AFG2A: variants seen among roughly 807,000 people sequenced by gnomAD.
The protein encoded by AFG2A is ATPase family gene 2 protein homolog A.
the AFG2A span, among the ~76,000 whole-genome samples, chr4:123,195,177 G>A: frequency 6.2e-4 from 95 of 152,304 alleles, 1 homozygote; most frequent in African/African-American, 2.2e-3. Context: ...ATCAAACCAC[G>A]TGGTATTATG....
At chr4:123,297,582 G>A in the AFG2A span, among the ~76,000 whole-genome samples, 1 of 152,076 alleles carries the variant, frequency 6.6e-6, no homozygotes, top group Admixed American at 6.6e-5. Context: ...AGCCAGATGT[G>A]GTGGCGGGCG....
the AFG2A span, among the ~76,000 whole-genome samples, chr4:123,122,800 A>G: frequency 4.1e-5 from 6 of 145,016 alleles, no homozygotes; most frequent in African/African-American, 1.3e-4. Context: ...TTTTGACAGC[A>G]TATTAGGTTG....
At chr4:123,168,419 A>G in the AFG2A span, among the ~76,000 whole-genome samples, 1 of 152,154 alleles carries the variant, frequency 6.6e-6, no homozygotes, top group Non-Finnish European at 1.5e-5. Context: ...TGAGTTCAAT[A>G]AGAAGAAATA....
At chr4:123,034,619 C>T in the AFG2A span, among the ~76,000 whole-genome samples, 2 of 144,862 alleles carry the variant, frequency 1.4e-5, no homozygotes, top group East Asian at 4.0e-4. Flanking sequence ...ATCTGAATAA[C>T]TATGGTCTTT....
At chr4:123,046,275 A>T in the AFG2A span, among the ~76,000 whole-genome samples, 1 of 152,092 alleles carries the variant, frequency 6.6e-6, no homozygotes, top group Non-Finnish European at 1.5e-5. Flanking sequence ...GCCCTCTTTT[A>T]AGCTGTCTTT....
the AFG2A span, among the ~76,000 whole-genome samples, chr4:123,135,137 A>C: frequency 6.6e-6 from 1 of 152,218 alleles, no homozygotes; most frequent in Non-Finnish European, 1.5e-5. Flanking sequence ...TTACCATATT[A>C]ACAGAATGAA....
chr4:123,167,433 C>T, the AFG2A span, among the ~76,000 whole-genome samples: 126 of 151,998 alleles, frequency 8.3e-4, no homozygotes, highest in African/African-American at 2.5e-3. Context: ...CTGCAACCTC[C>T]GCCTCCTGGT....
the AFG2A span, among the ~76,000 whole-genome samples, chr4:123,238,186 G>A: frequency 1.3e-5 from 2 of 152,304 alleles, no homozygotes; most frequent in East Asian, 3.9e-4. Context: ...GCTCAAACTG[G>A]GTGGAGCCCA....
At chr4:123,213,297 A>G in the AFG2A span, among the ~76,000 whole-genome samples, 1 of 152,100 alleles carries the variant, frequency 6.6e-6, no homozygotes, top group East Asian at 1.9e-4. Context: ...TATTTCCTGA[A>G]TTTCATTTTC....
At chr4:123,015,391 C>G in the AFG2A span, among the ~76,000 whole-genome samples, 43 of 152,022 alleles carry the variant, frequency 2.8e-4, no homozygotes, top group Non-Finnish European at 5.4e-4. Flanking sequence ...TGACTCTTAA[C>G]GAGCATGCTG....
chr4:122,959,321 G>T, the AFG2A span, among the ~76,000 whole-genome samples: 3 of 152,124 alleles, frequency 2.0e-5, no homozygotes, highest in African/African-American at 7.2e-5. Flanking sequence ...CCACTCAAGA[G>T]AAAATGAATG....
the AFG2A span, among the ~76,000 whole-genome samples, chr4:122,984,776 A>G: frequency 1.3e-5 from 2 of 152,216 alleles, no homozygotes; most frequent in African/African-American, 4.8e-5. Flanking sequence ...ATGTTAAACC[A>G]TCCCTGCATC....
At chr4:123,058,114 A>C in the AFG2A span, among the ~76,000 whole-genome samples, 1 of 152,198 alleles carries the variant, frequency 6.6e-6, no homozygotes, top group Non-Finnish European at 1.5e-5. Context: ...TTAGGAACCT[A>C]TCATTAGGAG....
At chr4:123,249,976 C>G in the AFG2A span, among the ~76,000 whole-genome samples, 2 of 152,108 alleles carry the variant, frequency 1.3e-5, no homozygotes, top group Non-Finnish European at 1.5e-5. Context: ...AATCATGATT[C>G]ATTGATATGT....
the AFG2A span, chr4:122,947,379 A>G: frequency 6.2e-7 from 1 of 1,614,076 alleles, no homozygotes; most frequent in Non-Finnish European, 8.5e-7. Flanking sequence ...TTCTCCAGAA[A>G]CTGCTTCGAA....
At chr4:123,074,993 G>T in the AFG2A span, among the ~76,000 whole-genome samples, 15 of 152,266 alleles carry the variant, frequency 9.9e-5, no homozygotes, top group South Asian at 3.1e-3. Context: ...GCCCAGGCTG[G>T]AGTGCAGTGG....
the AFG2A span, among the ~76,000 whole-genome samples, chr4:122,941,265 G>A: frequency 6.6e-6 from 1 of 151,592 alleles, no homozygotes; most frequent in Non-Finnish European, 1.5e-5. Flanking sequence ...CTACCCATGA[G>A]CATGGAATGT....
chr4:123,212,599 T>C, the AFG2A span, among the ~76,000 whole-genome samples: 4 of 152,156 alleles, frequency 2.6e-5, no homozygotes, highest in South Asian at 4.1e-4. Flanking sequence ...TTTTAAAATA[T>C]GAATTGTGAG....
the AFG2A span, among the ~76,000 whole-genome samples, chr4:123,044,713 A>G: frequency 1.3e-5 from 2 of 152,036 alleles, no homozygotes; most frequent in Non-Finnish European, 2.9e-5. Flanking sequence ...AAGACCCCTC[A>G]TATATTAAAC....
Sources: gnomAD v4.1 joint callset for allele counts (sites outside exome capture counted in the v4.1 genomes callset) on GRCh38, gnomAD v4.1.1 for gene constraint, MANE v1.5 for transcripts, NCBI Gene and HGNC (gene_info 2026-07-23, HGNC 2026-07-21) for gene names.